The following PIK3R5 variants were observed in gnomAD, a reference collection of about 807,000 sequenced individuals.
PIK3R5 encodes phosphoinositide-3-kinase regulatory subunit 5, also known as phosphoinositide 3-kinase regulatory subunit 5.
A neutral mutation model predicts 94.9 loss-of-function variants in PIK3R5; 32 were observed. The observed-to-expected ratio is 0.34, with a 90% CI of 0.25 to 0.45. PIK3R5 has a LOEUF of 0.45. PIK3R5 is among the 20% of genes least tolerant of loss of function. The pLI is 1.00. For synonymous variants in PIK3R5, 443 were observed against 479.4 expected, an observed-to-expected ratio of 0.92 and a Z score of 0.99; for missense variants, 853 against 1,144.6, an observed-to-expected ratio of 0.75 and a Z score of 3.68.
chr17:8,884,569 C>G lies in PIK3R5; in HGVS notation c.2205+138G>C. 1 of 666,704 alleles carries G rather than the reference C, an allele frequency of 1.5e-6. No individual in the cohort carries two copies. The highest frequency in any genetic ancestry group is 1.7e-5 in the South Asian group (1 of 57,360). 41.3% of individuals were successfully genotyped at this position (666,704 alleles called of 1,614,324 possible). On this transcript the variant is annotated intron_variant, in intron 15 of 18. Transcript: ENST00000447110. The surrounding 1 kb of genome is among the most constrained non-coding windows in gnomAD (Gnocchi z 5.8). ...TTCCCTTCTCTGCTTCTCTCAGCAT[C>G]CAGGGGAGCCTGCTGCAGCCTTCCA... is the stretch of plus-strand genomic sequence containing the variant.
In PIK3R5 at chr17:8,888,297, G is replaced by C; in HGVS notation, c.1490C>G (p.Ser497Ter). 6.2e-7 allele frequency: 1 copy of C among 1,613,156 alleles called. No individual in the cohort carries two copies. Among genetic ancestry groups the C allele is most frequent in the Non-Finnish European group, 8.5e-7 (1 of 1,179,824 alleles). ...QLPSWLLAPA[S>*]RPQRRRPFLS... is the part of the protein sequence containing the mutation. The stretch of plus-strand genomic sequence containing the variant: ...GAAGGGGCGGCGGCGCTGGGGGCGT[G>C]AAGCAGGGGCCAGAAGCCAGCTGGG... Residue 497 changes from serine to a stop codon, truncating the protein, a stop_gained, in exon 10 of 19, where the codon TCA becomes TGA. Coordinates refer to ENST00000447110, the MANE Select transcript of PIK3R5 (RefSeq NM_001142633.3). LOFTEE classifies it high-confidence loss of function. The surrounding 1 kb of genome is among the most constrained non-coding windows in gnomAD (Gnocchi z 7.8).
chr17:8,887,206 GGGT>G lies in PIK3R5; in HGVS notation c.1792_1794del (p.Thr598del), dbSNP rs753782979. The G allele has an allele frequency of 6.2e-7, 1 of 1,613,876 alleles. No homozygotes were observed. The highest frequency in any genetic ancestry group is 2.2e-5 in the East Asian group (1 of 44,876). On this transcript the variant is annotated inframe_deletion, in exon 12 of 19. Transcript: ENST00000447110. ...ATGTCATTGGTGCTCTCCTCCCATGGGGTGGTGCCCAGCTCCTAGGGCAAAGAA... is the reference window on the plus strand; with the variant it reads ...ATGTCATTGGTGCTCTCCTCCCATGGGGTGCCCAGCTCCTAGGGCAAAGAA...
rs1223742576 is a variant in PIK3R5 at position 8,896,513 on chromosome 17, G to A, written c.413-2858C>T. On this transcript the variant is annotated intron_variant, in intron 5 of 18. Coordinates refer to ENST00000447110, the MANE Select transcript of PIK3R5 (RefSeq NM_001142633.3). The surrounding 1 kb of genome is among the most constrained non-coding windows in gnomAD (Gnocchi z 4.0). ...TCTAGCAAGTAAGAAATTGAGAGAA[G>A]TCACCCCATACAGGCGAAGAACGGG... Among the ~76,000 whole-genome samples, 2 of 152,152 alleles carry A rather than the reference G, an allele frequency of 1.3e-5. No individual in the cohort carries two copies. Among genetic ancestry groups the A allele is most frequent in the Non-Finnish European group, 2.9e-5 (2 of 68,030 alleles).
intron 5 of PIK3R5, among the ~76,000 whole-genome samples, chr17:8,895,283 T>C (rs894745649): frequency 1.4e-4 from 22 of 152,188 alleles, no homozygotes; most frequent in Non-Finnish European, 2.6e-4. Context: ...ACCTTATTTC[T>C]CTTTTCTTTT....
In PIK3R5 at chr17:8,909,312, A is replaced by G. The variant is rs1418509897; in HGVS notation, c.104-138T>C. On this transcript the variant is annotated intron_variant, in intron 2 of 18. Transcript: ENST00000447110. This position sits in a 1 kb window ranked among gnomAD's most constrained non-coding sequence, Gnocchi z 4.3. ...TGGAACACTCTTTTTTTTTTTTGAG[A>G]CAGAGTCTTGCTCTGTCGCCAGGCT... is the stretch of plus-strand genomic sequence containing the variant. The G allele has an allele frequency of 5.1e-6, 3 of 589,652 alleles. No homozygotes were observed. The highest frequency in any genetic ancestry group is 9.2e-6 in the Non-Finnish European group (3 of 327,076). 36.5% of individuals were successfully genotyped at this position (589,652 alleles called of 1,614,324 possible). A position where few individuals can be genotyped will look rare whatever the true frequency, so the allele number is the denominator to read the frequency against.
intron 1 of PIK3R5, among the ~76,000 whole-genome samples, chr17:8,917,423 C>G (rs1054889862): frequency 6.6e-6 from 1 of 152,068 alleles, no homozygotes; most frequent in Admixed American, 6.6e-5. Flanking sequence ...ACCACACTGA[C>G]GGGGATAGGG....
intron 1 of PIK3R5, among the ~76,000 whole-genome samples, chr17:8,951,671 G>T (rs114040718): frequency 6.6e-6 from 1 of 152,312 alleles, no homozygotes; most frequent in African/African-American, 2.4e-5. Flanking sequence ...GGGTTAGTTT[G>T]ACCTTTTGGT....
chr17:8,961,252 A>G (rs2091558007), intron 1 of PIK3R5, among the ~76,000 whole-genome samples: 1 of 152,088 alleles, frequency 6.6e-6, no homozygotes, highest in Non-Finnish European at 1.5e-5. Context: ...GCTACAGGAG[A>G]GGAAGAAGGA....
rs148542875 is a variant in PIK3R5 at position 8,881,502 on chromosome 17, T to G, written c.2382+128A>C. ...TCTCTCTCTCACACACACACAAGTA[T>G]GTACACACGGGTGTGTATGTGCACA... On this transcript the variant is annotated intron_variant, in intron 17 of 18. Transcript: ENST00000447110. The surrounding 1 kb of genome is among the most constrained non-coding windows in gnomAD (Gnocchi z 4.8). 39 of 758,100 alleles carry G rather than the reference T, an allele frequency of 5.1e-5. 1 individual carries two copies. Among genetic ancestry groups the G allele is most frequent in the Admixed American group, 1.9e-4 (9 of 47,492 alleles). The allele number at this position is 758,100 out of a possible 1,614,324, so 47.0% of individuals were successfully genotyped here. A position where few individuals can be genotyped will look rare whatever the true frequency, so the allele number is the denominator to read the frequency against.
chr17:8,957,176 A>G (rs714407), intron 1 of PIK3R5, among the ~76,000 whole-genome samples: 105,923 of 152,126 alleles, frequency 0.7, 40,173 homozygotes, highest in Non-Finnish European at 0.85. Flanking sequence ...CTTTAAAAAT[A>G]AGCTATATTG....
chr17:8,940,842 C>T (rs991761968), intron 1 of PIK3R5, among the ~76,000 whole-genome samples: 3 of 152,114 alleles, frequency 2.0e-5, no homozygotes, highest in East Asian at 1.9e-4. Context: ...ATTACAGGTG[C>T]GAGCCACTGT....
At chr17:8,905,064 T>G (rs1009417972) in intron 4 of PIK3R5, 149 bp from the exon 5 acceptor site, 5 of 835,576 alleles carry the variant, frequency 6.0e-6, no homozygotes, top group Non-Finnish European at 9.4e-6. Flanking sequence ...CAGGTGGAAC[T>G]GGAAGTTACT....
Position 8,888,418 on chromosome 17 carries a change from C to A in PIK3R5, c.1369G>T (p.Gly457Trp). Residue 457 changes from glycine (G) to tryptophan (W), a missense_variant, in exon 10 of 19, where the codon GGG becomes TGG. Transcript: ENST00000447110. The surrounding 1 kb of genome is among the most constrained non-coding windows in gnomAD (Gnocchi z 7.8). ...SDTALPLRRAGSLCSPLDEPV... is the reference protein window; with the variant it reads ...SDTALPLRRAWSLCSPLDEPV... ...TCGTCCAGGGGGCTGCAGAGGCTCC[C>A]TGCCCGCCTCAGGGGCAGGGCCGTG... 6.4e-7 allele frequency: 1 copy of A among 1,572,540 alleles called. No individual in the cohort carries two copies. The highest frequency in any genetic ancestry group is 2.4e-5 in the East Asian group (1 of 42,430).
intron 1 of PIK3R5, among the ~76,000 whole-genome samples, chr17:8,919,141 G>A (rs1303586933): frequency 2.0e-5 from 3 of 152,156 alleles, no homozygotes; most frequent in Non-Finnish European, 4.4e-5. Flanking sequence ...CTGAATTGTA[G>A]AACAGAAAGA....
chr17:8,903,719 TG>T (rs1216939668), intron 5 of PIK3R5, among the ~76,000 whole-genome samples: 1 of 152,040 alleles, frequency 6.6e-6, no homozygotes, highest in East Asian at 1.9e-4. Context: ...TAATTGCTAT[TG>T]TAAATTTTTT....
Position 8,880,893 on chromosome 17 carries a change from C to A in PIK3R5, c.2495+12G>T. 6.2e-7 allele frequency: 1 copy of A among 1,613,182 alleles called. No homozygotes were observed. Among genetic ancestry groups the A allele is most frequent in the Non-Finnish European group, 8.5e-7 (1 of 1,179,138 alleles). On this transcript the variant is annotated intron_variant, in intron 18 of 18. Transcript: ENST00000447110. The stretch of plus-strand genomic sequence containing the variant: ...AGAAACTGCTCCCCTCCCTAGGACC[C>A]CCCTTTCCTACCTGACTACACTCTG...
intron 1 of PIK3R5, among the ~76,000 whole-genome samples, chr17:8,954,559 T>C (rs959894143): frequency 6.6e-6 from 1 of 152,198 alleles, no homozygotes; most frequent in East Asian, 1.9e-4. Context: ...GAGTGGCTTG[T>C]TGGGGGAAGG....
At chr17:8,913,649 T>C (rs1298206483) in intron 1 of PIK3R5, among the ~76,000 whole-genome samples, 2 of 151,770 alleles carry the variant, frequency 1.3e-5, no homozygotes, top group Non-Finnish European at 2.9e-5. Flanking sequence ...GAGGCGGAGG[T>C]TGCAGTAAGT....
chr17:8,949,740 C>A (rs1437711766), intron 1 of PIK3R5, among the ~76,000 whole-genome samples: 1 of 152,052 alleles, frequency 6.6e-6, no homozygotes, highest in East Asian at 1.9e-4. Flanking sequence ...AAGAATGATA[C>A]AATGGATTTT....
Sources: gnomAD v4.1 joint callset for allele counts (sites outside exome capture counted in the v4.1 genomes callset) on GRCh38, gnomAD v4.1.1 for gene constraint, Gnocchi (gnomAD v3.1) non-coding constraint, MANE v1.5 for transcripts, NCBI Gene and HGNC (gene_info 2026-07-23, HGNC 2026-07-21) for gene names.